ZMYND11: variants seen among roughly 807,000 people sequenced by gnomAD.
The protein encoded by ZMYND11 is zinc finger MYND domain-containing protein 11.
A neutral mutation model predicts 84.9 loss-of-function variants in ZMYND11; 9 were observed. That is an observed-to-expected ratio of 0.11 (90% CI 0.06 to 0.18). The LOEUF is 0.18. Ranked by LOEUF, ZMYND11 falls within the 10% of genes least tolerant of loss-of-function variation. The pLI, the probability that ZMYND11 is intolerant of heterozygous loss-of-function variation, is 1.00. For missense variants in ZMYND11, 409 were observed against 761.0 expected (o/e 0.54, Z 5.44); for synonymous variants, 250 against 244.1 (o/e 1.02, Z -0.23).
intron 4 of ZMYND11, among the ~76,000 whole-genome samples, chr10:234,546 A>G (rs1206585496): frequency 6.6e-6 from 1 of 152,236 alleles, no homozygotes; most frequent in Non-Finnish European, 1.5e-5. Flanking sequence ...GTATTACAAG[A>G]CTTCTAACCT....
chr10:172,403 A>C (rs538608560), intron 1 of ZMYND11, among the ~76,000 whole-genome samples: 4 of 152,328 alleles, frequency 2.6e-5, no homozygotes, highest in African/African-American at 9.6e-5. Flanking sequence ...GTTGTAGCCA[A>C]GTTGCAGGAT....
Position 236,819 on chromosome 10 carries a change from A to C in ZMYND11, c.439-19A>C, listed in dbSNP as rs763090161. 19 of 1,596,458 alleles carry C rather than the reference A, an allele frequency of 1.2e-5. No homozygotes were observed. Among genetic ancestry groups the C allele is most frequent in the Middle Eastern group, 1.7e-4 (1 of 6,048 alleles). ...ATGATCAGATTTTGTACCTTTTTTT[A>C]TTCTTTTTTTTTCAATAGAGCATTA... On this transcript the variant is annotated intron_variant, in intron 4 of 14. Coordinates refer to ENST00000381604, the MANE Select transcript of ZMYND11 (RefSeq NM_001370100.5).
intron 2 of ZMYND11, among the ~76,000 whole-genome samples, chr10:205,633 T>C (rs535212336): frequency 6.6e-6 from 1 of 152,178 alleles, no homozygotes; most frequent in East Asian, 1.9e-4. Context: ...AAGCCTGCAG[T>C]GAGCCATGAT....
At chr10:251,800 G>A (rs576832245) in intron 14 of ZMYND11, among the ~76,000 whole-genome samples, 26 of 152,282 alleles carry the variant, frequency 1.7e-4, no homozygotes, top group African/African-American at 6.3e-4. Context: ...CTGTCTGCCA[G>A]TAGTACCTTC....
intron 3 of ZMYND11, among the ~76,000 whole-genome samples, chr10:210,259 A>G (rs535994115): frequency 3.4e-4 from 51 of 152,210 alleles, no homozygotes; most frequent in Non-Finnish European, 6.8e-4. Flanking sequence ...GCTTCTCTAT[A>G]TATTACCTTG....
At position 222,197 on chromosome 10, in the gene ZMYND11, T is replaced by A. The variant is rs552339613; in HGVS notation, c.438+841T>A. Among the ~76,000 whole-genome samples the A allele has an allele frequency of 1.0e-3, 155 of 152,306 alleles. 1 individual carries two copies. The highest frequency in any genetic ancestry group is 1.2e-3 in the Non-Finnish European group (80 of 68,010). ...TATAATAACTTGCGTAATTTAAGTA[T>A]TTTTTTGCTTTTTCAAAAAACATTT... On this transcript the variant is annotated intron_variant, in intron 4 of 14. Transcript: ENST00000381604.
chr10:242,768 C>T (rs1054140693), intron 10 of ZMYND11, among the ~76,000 whole-genome samples: 44 of 152,206 alleles, frequency 2.9e-4, no homozygotes, highest in Non-Finnish European at 5.6e-4. Context: ...AGAGAAGCTA[C>T]ACAATGAGGG....
At chr10:165,193 G>A (rs1363549704) in intron 1 of ZMYND11, among the ~76,000 whole-genome samples, 1 of 152,038 alleles carries the variant, frequency 6.6e-6, no homozygotes, top group Non-Finnish European at 1.5e-5. Flanking sequence ...AAAGTCACCA[G>A]TGACCAACAT....
At chr10:184,338 CTTAG>C (rs1848492668) in intron 2 of ZMYND11, among the ~76,000 whole-genome samples, 1 of 152,152 alleles carries the variant, frequency 6.6e-6, no homozygotes, top group Non-Finnish European at 1.5e-5. Flanking sequence ...TGGAGCCTCT[CTTAG>C]TATGTTGGAT....
At chr10:209,052 G>T (rs61287571) in intron 2 of ZMYND11, among the ~76,000 whole-genome samples, 7,909 of 150,226 alleles carry the variant, frequency 0.053, 201 homozygotes, top group African/African-American at 0.07. Flanking sequence ...TATATATATA[G>T]AGAGAGAGAG....
Position 141,341 on chromosome 10 carries a change from T to C in ZMYND11, c.-20+5782T>C, listed in dbSNP as rs568694973. On this transcript the variant is annotated intron_variant, in intron 1 of 14. Transcript: ENST00000381604. ...GGCGAGCAAGATGAGGGAGGGTTCTTGCCATTGTAGAGTTTTCAGTTCAGA... is the reference window on the plus strand; with the variant it reads ...GGCGAGCAAGATGAGGGAGGGTTCTCGCCATTGTAGAGTTTTCAGTTCAGA... Among the ~76,000 whole-genome samples, 309 of 152,284 alleles carry C rather than the reference T, an allele frequency of 2.0e-3. 3 individuals are homozygous for C. The highest frequency in any genetic ancestry group is 7.1e-3 in the African/African-American group (297 of 41,576).
At chr10:140,118 T>C (rs550559328) in intron 1 of ZMYND11, among the ~76,000 whole-genome samples, 4 of 151,886 alleles carry the variant, frequency 2.6e-5, no homozygotes, top group South Asian at 2.1e-4. Context: ...CACACACACA[T>C]ACACACGCAG....
At chr10:205,653 G>C (rs1193438272) in intron 2 of ZMYND11, among the ~76,000 whole-genome samples, 1 of 152,042 alleles carries the variant, frequency 6.6e-6, no homozygotes, top group African/African-American at 2.4e-5. Context: ...TTGTGCTATT[G>C]TACTGCAGCC....
intron 1 of ZMYND11, among the ~76,000 whole-genome samples, chr10:174,560 A>C (rs1321593003): frequency 6.6e-6 from 1 of 152,024 alleles, no homozygotes; most frequent in Non-Finnish European, 1.5e-5. Context: ...ACCCATGGGC[A>C]TTACAGTGGC....
chr10:253,922 C>T lies in ZMYND11; in HGVS notation c.*1452C>T, dbSNP rs764491304. The T allele has an allele frequency of 7.9e-5, 12 of 152,758 alleles. No homozygotes were observed. The highest frequency in any genetic ancestry group is 5.8e-4 in the East Asian group (3 of 5,190). 9.5% of individuals were successfully genotyped at this position (152,758 alleles called of 1,614,324 possible). A position where few individuals can be genotyped will look rare whatever the true frequency, so the allele number is the denominator to read the frequency against. On this transcript the variant is annotated 3_prime_UTR_variant, in exon 15 of 15. Transcript: ENST00000381604. Reference sequence around the variant, plus strand: ...AAGTCTTCTGTGAAATATCATCCATCTAATCTTGATGCTGTTGCAGATGGT... The same window carrying T: ...AAGTCTTCTGTGAAATATCATCCATTTAATCTTGATGCTGTTGCAGATGGT...
intron 4 of ZMYND11, among the ~76,000 whole-genome samples, chr10:233,085 C>T (rs1487320190): frequency 6.6e-6 from 1 of 152,210 alleles, no homozygotes; most frequent in Non-Finnish European, 1.5e-5. Flanking sequence ...GAAGTTGGTG[C>T]AGTGCTCTTA....
At chr10:163,648 A>C (rs1429256722) in intron 1 of ZMYND11, among the ~76,000 whole-genome samples, 1 of 151,750 alleles carries the variant, frequency 6.6e-6, no homozygotes, top group Non-Finnish European at 1.5e-5. Flanking sequence ...CTGTTTCTGC[A>C]TTTTCTGTTT....
chr10:135,053 GGGCCGGTGGGGCCGAGC>G (rs1351968868), upstream of ZMYND11: 4 of 149,190 alleles, frequency 2.7e-5, no homozygotes, highest in Admixed American at 1.3e-4. This position sits in a 1 kb window ranked among gnomAD's most constrained non-coding sequence, Gnocchi z 5.6. Context: ...GCGGGCCGAG[GGGCCGGTGGGGCCGAGC>G]GGCCGCCCCG....
chr10:232,175 T>TA, intron 4 of ZMYND11, among the ~76,000 whole-genome samples: 1 of 152,242 alleles, frequency 6.6e-6, no homozygotes, highest in Non-Finnish European at 1.5e-5. Flanking sequence ...ACCTCTTTCT[T>TA]AGTTGTAGCT....
Sources: allele counts gnomAD v4.1 joint callset (sites outside exome capture counted in the v4.1 genomes callset), GRCh38; gene constraint gnomAD v4.1.1; non-coding constraint Gnocchi (gnomAD v3.1); transcripts MANE v1.5; gene names NCBI Gene and HGNC (gene_info 2026-07-23, HGNC 2026-07-21).